RARB: variants seen among roughly 807,000 people sequenced by gnomAD.
RARB encodes retinoic acid receptor beta, also known as HBV-activated protein.
In RARB, 17 loss-of-function variants were observed where a neutral mutation model predicts 51.9. That is an observed-to-expected ratio of 0.33 (90% CI 0.22 to 0.49). The LOEUF (loss-of-function observed/expected upper bound fraction) is 0.49. Ranked by LOEUF, RARB falls within the 20% of genes least tolerant of loss-of-function variation. The pLI is 0.99. For synonymous variants in RARB, 215 were observed against 195.4 expected (o/e 1.10, Z -0.84); for missense variants, 369 against 550.8 (o/e 0.67, Z 3.30).
intron 2 of RARB, among the ~76,000 whole-genome samples, chr3:25,043,814 G>C (rs1021424833): frequency 6.6e-6 from 1 of 151,108 alleles, no homozygotes; most frequent in Non-Finnish European, 1.5e-5. Flanking sequence ...ACCATGGTAG[G>C]AGGTTAGACA....
At chr3:25,029,706 A>G (rs1045293321) in intron 2 of RARB, among the ~76,000 whole-genome samples, 29 of 152,292 alleles carry the variant, frequency 1.9e-4, no homozygotes, top group African/African-American at 6.5e-4. Flanking sequence ...ATCCTTTGAG[A>G]GGTGTGAGTC....
At chr3:24,987,294 G>C (rs187593071) in intron 2 of RARB, among the ~76,000 whole-genome samples, 3 of 151,728 alleles carry the variant, frequency 2.0e-5, no homozygotes, top group Non-Finnish European at 4.4e-5. Flanking sequence ...AACATTTCAA[G>C]GTAAAGACAC....
intron 2 of RARB, among the ~76,000 whole-genome samples, chr3:24,898,903 A>G (rs1270779116): frequency 2.0e-5 from 3 of 152,186 alleles, no homozygotes; most frequent in African/African-American, 7.2e-5. Context: ...GTTTCTACTC[A>G]GTAACAGAGG....
intron 5 of RARB, among the ~76,000 whole-genome samples, chr3:25,249,205 G>T (rs996559693): frequency 1.7e-4 from 26 of 151,726 alleles, no homozygotes; most frequent in Non-Finnish European, 2.4e-4. Flanking sequence ...TTTTCTCCTT[G>T]ATCTAGTCTG....
chr3:25,017,095 G>A (rs1697526292), intron 2 of RARB, among the ~76,000 whole-genome samples: 1 of 152,120 alleles, frequency 6.6e-6, no homozygotes, highest in African/African-American at 2.4e-5. Context: ...GAGTGGCAGG[G>A]CCATGTTGCA....
intron 2 of RARB, among the ~76,000 whole-genome samples, chr3:24,986,876 T>G (rs530674420): frequency 1.7e-4 from 26 of 152,120 alleles, no homozygotes; most frequent in African/African-American, 7.2e-5. Flanking sequence ...CTCAACAGTT[T>G]TACCTCTCAG....
In RARB at chr3:25,333,772, T is replaced by C. The variant is rs1704975957; in HGVS notation, c.179-127421T>C. Among the ~76,000 whole-genome samples the C allele has an allele frequency of 2.6e-5, 4 of 152,214 alleles. No individual in the cohort carries two copies. The South Asian group carries it at 8.3e-4, about 32-fold the overall frequency. ...AGAATGGGAGTAAATTTTTACATTC[T>C]ACCCATCTGACAAAGGGCTAATGTC... On this transcript the variant is annotated intron_variant, in intron 5 of 11. Transcript: ENST00000383772.
intron 2 of RARB, among the ~76,000 whole-genome samples, chr3:24,909,479 G>C (rs563204371): frequency 6.6e-6 from 1 of 152,214 alleles, no homozygotes; most frequent in South Asian, 2.1e-4. Flanking sequence ...GTGCACACGA[G>C]GCCTGTCTCC....
chr3:25,041,208 C>A (rs1698107372), intron 2 of RARB, among the ~76,000 whole-genome samples: 1 of 152,246 alleles, frequency 6.6e-6, no homozygotes, highest in South Asian at 2.1e-4. Flanking sequence ...CTTACTGTTT[C>A]CAAGGCCTGG....
At chr3:25,181,119 A>G (rs577049359) in intron 5 of RARB, among the ~76,000 whole-genome samples, 1 of 152,050 alleles carries the variant, frequency 6.6e-6, no homozygotes, top group Non-Finnish European at 1.5e-5. Flanking sequence ...TATTGAGGGG[A>G]CACACAGGTT....
intron 4 of RARB, among the ~76,000 whole-genome samples, chr3:25,578,403 C>G (rs368057226): frequency 6.6e-6 from 1 of 152,190 alleles, no homozygotes; most frequent in African/African-American, 2.4e-5. Context: ...CTCTCTCAGC[C>G]CTGGCGCGTG....
At chr3:24,836,598 G>A (rs772042231) in intron 1 of RARB, among the ~76,000 whole-genome samples, 1 of 152,280 alleles carries the variant, frequency 6.6e-6, no homozygotes, top group Non-Finnish European at 1.5e-5. Flanking sequence ...AGACCTTACA[G>A]TGTCCTACCA....
chr3:25,133,325 A>G (rs1299729309), intron 4 of RARB, among the ~76,000 whole-genome samples: 1 of 151,980 alleles, frequency 6.6e-6, no homozygotes, highest in Non-Finnish European at 1.5e-5. Flanking sequence ...AAACATGGTT[A>G]TGGAGCATTT....
intron 5 of RARB, among the ~76,000 whole-genome samples, chr3:25,366,307 C>T (rs1255554205): frequency 6.6e-6 from 1 of 152,156 alleles, no homozygotes; most frequent in African/African-American, 2.4e-5. Flanking sequence ...GATTATTTCC[C>T]AGTCCCATGT....
intron 5 of RARB, among the ~76,000 whole-genome samples, chr3:25,375,066 TCAA>T (rs1706418668): frequency 1.3e-5 from 2 of 152,080 alleles, no homozygotes; most frequent in African/African-American, 4.8e-5. Flanking sequence ...AACACAGTTG[TCAA>T]CAAACAATGA....
intron 1 of RARB, among the ~76,000 whole-genome samples, chr3:25,452,978 G>A (rs1409915555): frequency 6.6e-6 from 1 of 152,184 alleles, no homozygotes; most frequent in African/African-American, 2.4e-5. Flanking sequence ...TTTATGGTAA[G>A]CATAAACACA....
At chr3:25,408,566 G>T (rs1707476161) in intron 5 of RARB, among the ~76,000 whole-genome samples, 1 of 152,090 alleles carries the variant, frequency 6.6e-6, no homozygotes, top group Non-Finnish European at 1.5e-5. Context: ...ACTGCAAATA[G>T]CTGGCACCAC....
rs148059084 is a variant in RARB, at chr3:24,859,074, C to T, written c.-380+322C>T. 4.0e-3 allele frequency among the ~76,000 whole-genome samples: 571 copies of T among 142,570 alleles called. 7 individuals are homozygous for T. Among genetic ancestry groups the T allele is most frequent in the African/African-American group, 0.014 (557 of 38,926 alleles). 93.5% of individuals were successfully genotyped at this position (142,570 alleles called of 152,430 possible). ...AAAAAAAAAGAAAAAAAAAAAGTTCCTTAATACTCTTATTAGAAGCTATGG... is the reference window on the plus strand; with the variant it reads ...AAAAAAAAAGAAAAAAAAAAAGTTCTTTAATACTCTTATTAGAAGCTATGG... On this transcript the variant is annotated intron_variant, in intron 2 of 11. Transcript: ENST00000383772.
chr3:25,289,172 C>T (rs1703725269), intron 5 of RARB, among the ~76,000 whole-genome samples: 1 of 152,200 alleles, frequency 6.6e-6, no homozygotes, highest in Admixed American at 6.5e-5. Context: ...CCACTGTAGG[C>T]TGTGGTATCC....
Sources: allele counts gnomAD v4.1 joint callset (sites outside exome capture counted in the v4.1 genomes callset), GRCh38; gene constraint gnomAD v4.1.1; transcripts MANE v1.5; gene names NCBI Gene and HGNC (gene_info 2026-07-23, HGNC 2026-07-21).